The following ARFGAP3 variants were observed in gnomAD, a reference collection of about 807,000 sequenced individuals.
ARFGAP3 encodes the protein ARF GTPase activating protein 3, also known as ADP-ribosylation factor GTPase-activating protein 3.
In ARFGAP3, 72 loss-of-function variants were observed where a neutral mutation model predicts 75.0. The observed-to-expected ratio is 0.96, with a 90% CI of 0.79 to 1.17. ARFGAP3 has a LOEUF of 1.17. ARFGAP3 is among the 50% of genes most tolerant of loss of function. The pLI, the probability that ARFGAP3 is intolerant of heterozygous loss-of-function variation, is 0.00. For missense variants in ARFGAP3, 620 were observed against 626.6 expected (o/e 0.99, Z 0.11); for synonymous variants, 221 against 217.9 (o/e 1.01, Z -0.13).
chr22:42,833,638 C>T (rs1172183061), intron 5 of ARFGAP3, among the ~76,000 whole-genome samples: 1 of 152,208 alleles, frequency 6.6e-6, no homozygotes, highest in Admixed American at 6.5e-5. Context: ...CACCTGTTGT[C>T]CCAGCTACTC....
intron 5 of ARFGAP3, among the ~76,000 whole-genome samples, chr22:42,833,589 C>T (rs1602117747): frequency 1.3e-5 from 2 of 152,190 alleles, no homozygotes; most frequent in African/African-American, 4.8e-5. Context: ...AACCTCGTCT[C>T]TACTACAAAT....
At chr22:42,812,387 CAG>C (rs1925406067) in intron 11 of ARFGAP3, among the ~76,000 whole-genome samples, 1 of 152,052 alleles carries the variant, frequency 6.6e-6, no homozygotes, top group African/African-American at 2.4e-5. Flanking sequence ...GGAAGGGTGA[CAG>C]AAGAGAATGC....
chr22:42,806,931 T>G (rs1037426036), intron 14 of ARFGAP3, 142 bp downstream of exon 14: 2 of 825,584 alleles, frequency 2.4e-6, no homozygotes, highest in Admixed American at 3.4e-5. Flanking sequence ...TAGTAACTTC[T>G]GCTCTACCTG....
chr22:42,851,284 G>C (rs1321195108), intron 1 of ARFGAP3, among the ~76,000 whole-genome samples: 3 of 152,210 alleles, frequency 2.0e-5, no homozygotes, highest in Admixed American at 6.5e-5. Flanking sequence ...AGAGGTGATG[G>C]CAGAGATTTT....
intron 14 of ARFGAP3, among the ~76,000 whole-genome samples, chr22:42,802,288 A>AC (rs1224391733): frequency 6.2e-4 from 89 of 142,694 alleles, no homozygotes; most frequent in Admixed American, 1.1e-3. Flanking sequence ...CAAAATAACA[A>AC]TTTTTTTTTT....
chr22:42,820,581 T>A (rs1411538236), intron 9 of ARFGAP3, among the ~76,000 whole-genome samples: 1 of 152,152 alleles, frequency 6.6e-6, no homozygotes, highest in Non-Finnish European at 1.5e-5. Flanking sequence ...TAAAACCACC[T>A]CATAAAATAG....
At chr22:42,827,373 T>G (rs186881561) in intron 6 of ARFGAP3, among the ~76,000 whole-genome samples, 64 of 152,342 alleles carry the variant, frequency 4.2e-4, no homozygotes, top group East Asian at 1.2e-3. Context: ...GTTTTGTTTT[T>G]TTTTCTTTTG....
chr22:42,831,097 C>A (rs534443820), intron 6 of ARFGAP3, among the ~76,000 whole-genome samples: 1 of 151,610 alleles, frequency 6.6e-6, no homozygotes, highest in African/African-American at 2.4e-5. Context: ...GTCAGGAGTT[C>A]GAGATCAGCA....
At chr22:42,811,088 G>A in intron 11 of ARFGAP3, 144 bp from the exon 12 acceptor site, 3 of 1,322,986 alleles carry the variant, frequency 2.3e-6, no homozygotes, top group Non-Finnish European at 3.0e-6. Flanking sequence ...GACAGGAGCA[G>A]ACACGAGGTG....
intron 14 of ARFGAP3, among the ~76,000 whole-genome samples, chr22:42,802,316 C>G (rs1268493576): frequency 2.0e-5 from 3 of 151,342 alleles, no homozygotes; most frequent in Non-Finnish European, 4.4e-5. Context: ...GACAGAGTCT[C>G]GCTGTGTCAC....
chr22:42,805,590 A>G (rs1925083143), intron 14 of ARFGAP3, among the ~76,000 whole-genome samples: 2 of 152,152 alleles, frequency 1.3e-5, no homozygotes, highest in African/African-American at 4.8e-5. Context: ...GAACAAGCCA[A>G]TGAGCCTCAC....
chr22:42,821,422 G>C (rs781455352), intron 9 of ARFGAP3, among the ~76,000 whole-genome samples: 2 of 152,134 alleles, frequency 1.3e-5, no homozygotes, highest in South Asian at 4.1e-4. Flanking sequence ...CCAGTAAGTT[G>C]CTTTCTGTCT....
intron 14 of ARFGAP3, among the ~76,000 whole-genome samples, chr22:42,803,702 G>A (rs1486846950): frequency 6.6e-6 from 1 of 152,144 alleles, no homozygotes; most frequent in Non-Finnish European, 1.5e-5. Context: ...GTTGGCTGCA[G>A]GCACTTACAT....
rs140582000 is a variant in ARFGAP3 at position 42,853,907 on chromosome 22, G to A, written c.69+3207C>T. ...AGCACCATGCTGCAGAGAGCATGAG[G>A]AGCCCTTCCGGGCGTGGGATGGTGG... On this transcript the variant is annotated intron_variant, in intron 1 of 15. Coordinates refer to ENST00000263245, the MANE Select transcript of ARFGAP3 (RefSeq NM_014570.5). 2.0e-3 allele frequency: 317 copies of A among 158,240 alleles called. 2 individuals carry two copies. Among genetic ancestry groups the A allele is most frequent in the African/African-American group, 7.3e-3 (302 of 41,590 alleles). 9.8% of individuals were successfully genotyped at this position (158,240 alleles called of 1,614,324 possible).
chr22:42,835,217 A>G (rs2146565751), intron 4 of ARFGAP3, 145 bp downstream of exon 4: 1 of 885,948 alleles, frequency 1.1e-6, no homozygotes, highest in Non-Finnish European at 1.7e-6. Context: ...ACAGAACATA[A>G]CTACTTCAAT....
At chr22:42,837,514 G>A (rs972463805) in intron 3 of ARFGAP3, among the ~76,000 whole-genome samples, 9 of 151,066 alleles carry the variant, frequency 6.0e-5, no homozygotes, top group Non-Finnish European at 1.3e-4. Context: ...CCAGCTACTT[G>A]GGAGGCTGAG....
At chr22:42,810,066 C>T (rs535148654) in intron 12 of ARFGAP3, among the ~76,000 whole-genome samples, 1 of 151,874 alleles carries the variant, frequency 6.6e-6, no homozygotes, top group African/African-American at 2.4e-5. Context: ...CCTAGGCCAC[C>T]CCTGACCCAT....
chr22:42,850,971 A>G (rs998859593), intron 1 of ARFGAP3, among the ~76,000 whole-genome samples: 4 of 152,216 alleles, frequency 2.6e-5, no homozygotes, highest in African/African-American at 9.6e-5. Context: ...GCAAATTCAA[A>G]CGCCCTGTGG....
intron 2 of ARFGAP3, among the ~76,000 whole-genome samples, chr22:42,841,516 C>T (rs1308690197): frequency 6.6e-6 from 1 of 152,160 alleles, no homozygotes; most frequent in Non-Finnish European, 1.5e-5. Flanking sequence ...GTGAAAGCTA[C>T]AAGCACTTCC....
Sources: allele counts gnomAD v4.1 joint callset (sites outside exome capture counted in the v4.1 genomes callset), GRCh38; gene constraint gnomAD v4.1.1; transcripts MANE v1.5; gene names NCBI Gene and HGNC (gene_info 2026-07-23, HGNC 2026-07-21).